Variants in MAP7 observed in about 807,000 individuals in gnomAD.
The protein encoded by MAP7 is ensconsin.
In MAP7, 52 loss-of-function variants were observed where a neutral mutation model predicts 94.8. The observed-to-expected ratio is 0.55, with a 90% CI of 0.44 to 0.69. MAP7 has a LOEUF of 0.69. Among genes scored for constraint, MAP7 ranks in the 30% least tolerant of loss-of-function variants. MAP7 has a pLI of 0.00. For synonymous variants in MAP7, 350 were observed against 357.0 expected (o/e 0.98, Z 0.22); for missense variants, 940 against 964.6 (o/e 0.97, Z 0.34).
At chr6:136,401,855 T>G (rs1784192126) in intron 3 of MAP7, among the ~76,000 whole-genome samples, 1 of 152,134 alleles carries the variant, frequency 6.6e-6, no homozygotes, top group South Asian at 2.1e-4. Flanking sequence ...GAATCTGCTG[T>G]AGCCTCTCCA....
chr6:136,354,572 T>C (rs1210996087), intron 16 of MAP7, among the ~76,000 whole-genome samples: 2 of 151,334 alleles, frequency 1.3e-5, no homozygotes, highest in Non-Finnish European at 2.9e-5. Context: ...CTGATGTTTA[T>C]GTCTGATGCT....
At chr6:136,426,806 G>A (rs754411569) in intron 1 of MAP7, among the ~76,000 whole-genome samples, 10 of 152,176 alleles carry the variant, frequency 6.6e-5, no homozygotes, top group South Asian at 2.1e-4. Context: ...GGACTTTCTC[G>A]TGAAGGCAAT....
chr6:136,356,437 A>G (rs540824765), intron 16 of MAP7, among the ~76,000 whole-genome samples: 5 of 152,190 alleles, frequency 3.3e-5, no homozygotes, highest in Admixed American at 2.0e-4. Context: ...AAGTGTTGGG[A>G]TTACAGGAGT....
intron 1 of MAP7, among the ~76,000 whole-genome samples, chr6:136,518,261 G>A (rs1379695443): frequency 6.6e-6 from 1 of 151,982 alleles, no homozygotes; most frequent in Non-Finnish European, 1.5e-5. Flanking sequence ...AATTTTTCTG[G>A]GTCTATACTC....
chr6:136,496,721 C>T (rs1818326310), intron 1 of MAP7, among the ~76,000 whole-genome samples: 1 of 143,070 alleles, frequency 7.0e-6, no homozygotes, highest in Non-Finnish European at 1.5e-5. Context: ...GGGTGGATCT[C>T]TTGAGGGCAG....
intron 1 of MAP7, among the ~76,000 whole-genome samples, chr6:136,426,465 A>G (rs1447835796): frequency 6.6e-6 from 1 of 152,212 alleles, no homozygotes; most frequent in Non-Finnish European, 1.5e-5. Context: ...GACCGATTCA[A>G]TTTTCTAAAA....
Position 136,550,293 on chromosome 6 carries a change from C to G in MAP7, c.67+49G>C, listed in dbSNP as rs560656509. 527 of 1,426,382 alleles carry G rather than the reference C, an allele frequency of 3.7e-4. 2 individuals carry two copies. Among genetic ancestry groups the G allele is most frequent in the African/African-American group, 3.4e-3 (228 of 68,058 alleles). 88.4% of individuals were successfully genotyped at this position (1,426,382 alleles called of 1,614,324 possible). On this transcript the variant is annotated intron_variant, in intron 1 of 17. Coordinates refer to ENST00000354570, the MANE Select transcript of MAP7 (RefSeq NM_003980.6). This position sits in a 1 kb window ranked among gnomAD's most constrained non-coding sequence, Gnocchi z 5.1. ...TCGGTGCCAGCCCGCCGGCCCCGCT[C>G]GCCGTCCCCTGCCCGACGGGACCCC...
At chr6:136,463,617 T>C (rs1394311441) in intron 1 of MAP7, among the ~76,000 whole-genome samples, 2 of 152,210 alleles carry the variant, frequency 1.3e-5, no homozygotes, top group South Asian at 2.1e-4. Context: ...AGAACTTGCA[T>C]TGTTTTTTAG....
Position 136,453,459 on chromosome 6 carries a change from C to A in MAP7, c.68-31660G>T, listed in dbSNP as rs190908760. 1.2e-3 allele frequency among the ~76,000 whole-genome samples: 187 copies of A among 152,276 alleles called. 1 individual carries two copies. The highest frequency in any genetic ancestry group is 2.0e-3 in the Admixed American group (31 of 15,308). On this transcript the variant is annotated intron_variant, in intron 1 of 17. Coordinates refer to ENST00000354570, the MANE Select transcript of MAP7 (RefSeq NM_003980.6). ...AGCTAACAGTGACAGTCTTTAAATT[C>A]TTTTATTTGCATTTGTCATAATACG...
chr6:136,381,994 T>C, intron 6 of MAP7, among the ~76,000 whole-genome samples: 1 of 151,278 alleles, frequency 6.6e-6, no homozygotes, highest in Admixed American at 6.6e-5. Context: ...GAACTGAGGA[T>C]GCAGTGTGGC....
At chr6:136,542,248 G>C (rs1829383841) in intron 1 of MAP7, among the ~76,000 whole-genome samples, 1 of 152,162 alleles carries the variant, frequency 6.6e-6, no homozygotes, top group Non-Finnish European at 1.5e-5. Flanking sequence ...AGATAGTAAA[G>C]AGGTAGACAA....
intron 1 of MAP7, among the ~76,000 whole-genome samples, chr6:136,510,697 C>T (rs1398753093): frequency 2.0e-5 from 3 of 151,958 alleles, no homozygotes; most frequent in Non-Finnish European, 4.4e-5. Context: ...AGCGACCATA[C>T]TCATATAACT....
intron 3 of MAP7, among the ~76,000 whole-genome samples, chr6:136,409,550 G>A (rs1163368694): frequency 6.6e-6 from 1 of 152,186 alleles, no homozygotes; most frequent in Non-Finnish European, 1.5e-5. Flanking sequence ...CTCAGCAAAT[G>A]TCTTTTTTCC....
chr6:136,363,692 G>A (rs1386812232), intron 10 of MAP7, among the ~76,000 whole-genome samples: 1 of 152,126 alleles, frequency 6.6e-6, no homozygotes, highest in Non-Finnish European at 1.5e-5. Flanking sequence ...TTTCTAAATA[G>A]CATCTGGCTA....
intron 2 of MAP7, among the ~76,000 whole-genome samples, chr6:136,418,495 G>A (rs938121607): frequency 9.8e-5 from 15 of 152,312 alleles, no homozygotes; most frequent in African/African-American, 3.1e-4. Flanking sequence ...GATTACAGGC[G>A]TGAGCCACCG....
intron 1 of MAP7, among the ~76,000 whole-genome samples, chr6:136,446,348 GAGA>G (rs1799354736): frequency 6.6e-6 from 1 of 151,848 alleles, no homozygotes; most frequent in Non-Finnish European, 1.5e-5. Flanking sequence ...TACAGCATGG[GAGA>G]AGATCATCAT....
At chr6:136,389,808 C>G (rs1181354760) in intron 3 of MAP7, among the ~76,000 whole-genome samples, 1 of 152,194 alleles carries the variant, frequency 6.6e-6, no homozygotes, top group Non-Finnish European at 1.5e-5. Flanking sequence ...GCATTATTAA[C>G]CACATGCTCT....
At position 136,362,650 on chromosome 6, in the gene MAP7, G is replaced by T; in HGVS notation, c.1326C>A (p.Ala442=). ...APASAPAPAS[A]PAPAPVPTPA... ...GGGTGGGGACCGGGGCTGGAGCTGG[G>T]GCCGAGGCTGGAGCTGGGGCCGAGG... Residue 442 remains alanine, a synonymous_variant, in exon 11 of 18, where the codon GCC becomes GCA. Coordinates refer to ENST00000354570, the MANE Select transcript of MAP7 (RefSeq NM_003980.6). The T allele has an allele frequency of 6.2e-7, 1 of 1,607,434 alleles. No individual in the cohort carries two copies.
rs369706389 is a variant in MAP7, at chr6:136,372,526, C to T, written c.851G>A (p.Arg284His). The T allele has an allele frequency of 8.1e-6, 13 of 1,614,120 alleles. No homozygotes were observed. Among genetic ancestry groups the T allele is most frequent in the Middle Eastern group, 1.7e-4 (1 of 6,046 alleles). The change falls in exon 8 of 18, where the codon CGC (arginine) becomes CAC (histidine). Residue 284 changes from arginine (R) to histidine (H), a missense_variant. By Grantham distance (29) the Arg-to-His change is conservative. Transcript: ENST00000354570. ...CGCTGTGCCATGAATGATCCTCCTG[C>T]GAGAAGAGCCCTCAGGTGGTGTTAC... ...LFVTPPEGSS[R>H]RRIIHGTASY...
Sources: allele counts gnomAD v4.1 joint callset (sites outside exome capture counted in the v4.1 genomes callset), GRCh38; gene constraint gnomAD v4.1.1; non-coding constraint Gnocchi (gnomAD v3.1); transcripts MANE v1.5; gene names NCBI Gene and HGNC (gene_info 2026-07-23, HGNC 2026-07-21).